WDFY4: variants seen among roughly 807,000 people sequenced by gnomAD.
The protein encoded by WDFY4 is WD repeat- and FYVE domain-containing protein 4.
A neutral mutation model predicts 351.9 loss-of-function variants in WDFY4; 169 were observed. That is an observed-to-expected ratio of 0.48 (90% CI 0.42 to 0.55). The LOEUF is 0.55. WDFY4 is among the 20% of genes least tolerant of loss of function. WDFY4 has a pLI of 0.00. For synonymous variants in WDFY4, 1,622 were observed against 1,574.6 expected (o/e 1.03, Z -0.71); for missense variants, 3,803 against 3,935.6 (o/e 0.97, Z 0.90).
intron 12 of WDFY4, among the ~76,000 whole-genome samples, chr10:48,753,150 C>A (rs1223176626): frequency 6.6e-6 from 1 of 151,940 alleles, no homozygotes; most frequent in Non-Finnish European, 1.5e-5. Flanking sequence ...TGCTTTTTGG[C>A]CATTTGTATA....
At chr10:48,870,300 G>A (rs138845086) in intron 40 of WDFY4, among the ~76,000 whole-genome samples, 137 of 152,302 alleles carry the variant, frequency 9.0e-4, no homozygotes, top group African/African-American at 3.2e-3. Context: ...GCTTTGGGAG[G>A]TTGGGCAGTA....
chr10:48,817,106 G>T (rs1450151521), intron 31 of WDFY4, 139 bp from the exon 32 acceptor site: 2 of 1,009,038 alleles, frequency 2.0e-6, no homozygotes, highest in Non-Finnish European at 2.9e-6. Context: ...CTAGTGTCTG[G>T]TGCTAATCTG....
At chr10:48,817,676 G>C (rs11101513) in intron 32 of WDFY4, among the ~76,000 whole-genome samples, 1,684 of 152,354 alleles carry the variant, frequency 0.011, 30 homozygotes, top group African/African-American at 0.038. Flanking sequence ...AAAGTCCATT[G>C]TCTGTGGCAT....
intron 30 of WDFY4, among the ~76,000 whole-genome samples, chr10:48,812,411 A>G (rs1211365164): frequency 6.6e-6 from 1 of 151,644 alleles, no homozygotes; most frequent in Non-Finnish European, 1.5e-5. Flanking sequence ...GCTGGTCTCA[A>G]ACTCCTGACC....
chr10:48,687,950 T>G (rs958184292), intron 1 of WDFY4, among the ~76,000 whole-genome samples: 3 of 152,158 alleles, frequency 2.0e-5, no homozygotes, highest in Non-Finnish European at 4.4e-5. Flanking sequence ...TCTGTCTAAT[T>G]TTTGGGTTTT....
At position 48,915,340 on chromosome 10, in the gene WDFY4, A is replaced by G. The variant is rs577624446; in HGVS notation, c.7586+13477A>G. On this transcript the variant is annotated intron_variant, in intron 47 of 61. Coordinates refer to ENST00000325239, the MANE Select transcript of WDFY4 (RefSeq NM_001394531.1). ...AAGTGAGGAAGGTCTGCAGCCAGGA[A>G]GAGGACGCAACTCTGTTCTGTTTGG... Among the ~76,000 whole-genome samples, 3 of 152,202 alleles carry G rather than the reference A, an allele frequency of 2.0e-5. 1 individual carries two copies. In the East Asian group the frequency reaches 5.8e-4, roughly 29 times the overall value.
chr10:48,724,201 G>T (rs572242623), intron 5 of WDFY4, among the ~76,000 whole-genome samples: 2 of 152,114 alleles, frequency 1.3e-5, no homozygotes, highest in African/African-American at 4.8e-5. Flanking sequence ...ATGGAGGATC[G>T]TGTGGCCCGG....
chr10:48,712,124 C>T (rs942982926), intron 2 of WDFY4, among the ~76,000 whole-genome samples: 1 of 152,210 alleles, frequency 6.6e-6, no homozygotes, highest in Non-Finnish European at 1.5e-5. Flanking sequence ...AACATGTGGG[C>T]TTTCTAGTCA....
chr10:48,722,151 C>T (rs534515582), intron 4 of WDFY4, among the ~76,000 whole-genome samples: 9 of 152,316 alleles, frequency 5.9e-5, no homozygotes, highest in East Asian at 1.9e-4. Flanking sequence ...GAGCACATCA[C>T]GCAGCCCTTG....
chr10:48,843,522 A>G (rs1564409804), intron 39 of WDFY4, among the ~76,000 whole-genome samples: 1 of 152,328 alleles, frequency 6.6e-6, no homozygotes, highest in East Asian at 1.9e-4. Context: ...GTTAGATGAC[A>G]TCCAAAAATA....
chr10:48,929,890 A>G (rs1839886150), intron 47 of WDFY4, among the ~76,000 whole-genome samples: 1 of 152,112 alleles, frequency 6.6e-6, no homozygotes, highest in South Asian at 2.1e-4. Context: ...CAATTAATAA[A>G]GCAGACTGAC....
intron 39 of WDFY4, among the ~76,000 whole-genome samples, chr10:48,862,897 C>A (rs1197732999): frequency 6.6e-6 from 1 of 152,224 alleles, no homozygotes; most frequent in Non-Finnish European, 1.5e-5. Context: ...TAGTCCTAAG[C>A]AATCACTAAT....
intron 39 of WDFY4, among the ~76,000 whole-genome samples, chr10:48,838,600 C>T (rs6537582): frequency 0.39 from 59,847 of 152,016 alleles, 12,702 homozygotes; most frequent in East Asian, 0.7. Context: ...CTCAAACATA[C>T]ACATAAGTAG....
At chr10:48,886,604 C>T (rs773797729) in intron 43 of WDFY4, among the ~76,000 whole-genome samples, 13 of 152,312 alleles carry the variant, frequency 8.5e-5, no homozygotes, top group Middle Eastern at 6.8e-3. Context: ...GTGACCCTCA[C>T]TAGATGCCAG....
intron 2 of WDFY4, among the ~76,000 whole-genome samples, chr10:48,715,845 T>A (rs2063892551): frequency 6.6e-6 from 1 of 151,464 alleles, no homozygotes; most frequent in African/African-American, 2.4e-5. Flanking sequence ...GAGACGGGGT[T>A]TCACCATGTT....
At chr10:48,965,774 A>ACATCAGTTAGATATAGATTATATCTG (rs1842047105) in intron 54 of WDFY4, among the ~76,000 whole-genome samples, 1 of 141,324 alleles carries the variant, frequency 7.1e-6, no homozygotes, top group East Asian at 2.1e-4. Context: ...ACTTATATCT[A>ACATCAGTTAGATATAGATTATATCTG]TATCAGTTAG....
chr10:48,789,764 G>T, intron 21 of WDFY4, 110 bp from the exon 22 acceptor site: 1 of 896,746 alleles, frequency 1.1e-6, no homozygotes, highest in Non-Finnish European at 1.8e-6. Context: ...ATTGCTGATG[G>T]AGTGTCAGCA....
rs565785007 is a variant in WDFY4, at chr10:48,946,891, C to T, written c.7899C>T (p.Thr2633=). ...TGACTGTCCAGTGCCACTACTACACCCACTACTCCTCGGCCATCATCGTGG... is the reference window on the plus strand; with the variant it reads ...TGACTGTCCAGTGCCACTACTACACTCACTACTCCTCGGCCATCATCGTGG... The part of the protein sequence containing the change: ...GDMTVQCHYY[T]HYSSAIIVAS... Residue 2633 remains threonine, a synonymous_variant, in exon 51 of 62, where the codon ACC becomes ACT. Transcript: ENST00000325239. 1.5e-5 allele frequency: 23 copies of T among 1,551,956 alleles called. No homozygotes were observed. Among genetic ancestry groups the T allele is most frequent in the East Asian group, 2.4e-5 (1 of 40,924 alleles).
At chr10:48,758,928 C>T (rs764373541) in intron 12 of WDFY4, among the ~76,000 whole-genome samples, 2 of 152,170 alleles carry the variant, frequency 1.3e-5, no homozygotes, top group Non-Finnish European at 2.9e-5. Flanking sequence ...GATGTTGAGA[C>T]TTCCCTGGTT....
Sources: gnomAD v4.1 joint callset for allele counts (sites outside exome capture counted in the v4.1 genomes callset) on GRCh38, gnomAD v4.1.1 for gene constraint, MANE v1.5 for transcripts, NCBI Gene and HGNC (gene_info 2026-07-23, HGNC 2026-07-21) for gene names.